Variants in MYO15A observed in about 807,000 individuals in gnomAD.
MYO15A encodes the protein unconventional myosin-XV.
In MYO15A, 308 loss-of-function variants were observed where a neutral mutation model predicts 394.6. The ratio of observed to expected loss-of-function variants is 0.78; its 90% CI spans 0.71 to 0.86. MYO15A has a LOEUF of 0.86. Ranked by LOEUF, MYO15A falls within the 40% of genes least tolerant of loss-of-function variation. The probability of loss-of-function intolerance (pLI) is 0.00; values close to 1 mark genes in which losing one functional copy is unlikely to be tolerated. For missense variants in MYO15A, 4,606 were observed against 4,799.1 expected, an observed-to-expected ratio of 0.96 and a Z score of 1.19; for synonymous variants, 1,957 against 2,003.8, an observed-to-expected ratio of 0.98 and a Z score of 0.62.
chr17:18,131,429 C>T, intron 9 of MYO15A, 39 bp from the exon 10 acceptor site: 1 of 1,614,004 alleles, frequency 6.2e-7, no homozygotes, highest in Non-Finnish European at 8.5e-7. Flanking sequence ...CACCAGCCCT[C>T]CTACCCTCAC....
Position 18,148,348 on chromosome 17 carries a change from G to T in MYO15A, c.6691+138G>T, listed in dbSNP as rs1597800485. 2 of 1,456,332 alleles carry T rather than the reference G, an allele frequency of 1.4e-6. No homozygotes were observed. Among genetic ancestry groups the T allele is most frequent in the East Asian group, 4.9e-5 (2 of 40,432 alleles). 90.2% of individuals were successfully genotyped at this position (1,456,332 alleles called of 1,614,324 possible). ...GATGTGGCTCTGCGTGAAAGTCTGT[G>T]TGTGGGGGTGGGACCTGGCCCAGGA... On this transcript the variant is annotated intron_variant, in intron 31 of 65. Transcript: ENST00000647165. This position sits in a 1 kb window ranked among gnomAD's most constrained non-coding sequence, Gnocchi z 4.8.
At chr17:18,127,005 G>A (rs1038615011) in intron 6 of MYO15A, 70 bp from the exon 7 acceptor site, 6 of 1,603,830 alleles carry the variant, frequency 3.7e-6, no homozygotes, top group Non-Finnish European at 5.1e-6. Context: ...CTTGCTTCAT[G>A]ATGGGAGTCA....
chr17:18,123,926 C>G (rs1466001890), intron 2 of MYO15A: 2 of 176,644 alleles, frequency 1.1e-5, no homozygotes, highest in African/African-American at 4.7e-5. Context: ...GCCCCACAGG[C>G]CTGCGTATGT....
chr17:18,148,351 T>TG lies in MYO15A; in HGVS notation c.6692-140dup. 1 of 1,450,044 alleles carries TG rather than the reference T, an allele frequency of 6.9e-7. No individual in the cohort carries two copies. Among genetic ancestry groups the TG allele is most frequent in the Non-Finnish European group, 9.4e-7 (1 of 1,062,708 alleles). The allele number at this position is 1,450,044 out of a possible 1,614,324, so 89.8% of individuals were successfully genotyped here. A position where few individuals can be genotyped will look rare whatever the true frequency, so the allele number is the denominator to read the frequency against. ...GTGGCTCTGCGTGAAAGTCTGTGTG[T>TG]GGGGGTGGGACCTGGCCCAGGAAAG... On this transcript the variant is annotated intron_variant, in intron 31 of 65. Transcript: ENST00000647165. The surrounding 1 kb of genome is among the most constrained non-coding windows in gnomAD (Gnocchi z 4.8).
chr17:18,162,645 A>G lies in MYO15A; in HGVS notation c.9578A>G (p.Glu3193Gly). ...ACCTTGCGCTTCGGAGGTCGTCTGG[A>G]GCTCCCCAGCAGCATAGAGCTTCGG... The part of the protein sequence containing the change: ...QKTLRFGGRL[E>G]LPSSIELRAM... Residue 3193 changes from glutamate to glycine, a missense_variant, in exon 58 of 66, where the codon GAG (glutamate) becomes GGG (glycine). Coordinates refer to ENST00000647165, the MANE Select transcript of MYO15A (RefSeq NM_016239.4). 1 of 1,614,038 alleles carries G rather than the reference A, an allele frequency of 6.2e-7. No individual in the cohort carries two copies. The highest frequency in any genetic ancestry group is 8.5e-7 in the Non-Finnish European group (1 of 1,179,972).
chr17:18,159,940 C>T lies in MYO15A; in HGVS notation c.9309C>T (p.Cys3103=). The change falls in exon 56 of 66, where the codon TGC becomes TGT. Residue 3103 remains cysteine, a synonymous_variant. Coordinates refer to ENST00000647165, the MANE Select transcript of MYO15A (RefSeq NM_016239.4). ...ACCTCCCTGCCCCCCTTCAGCTGTG[C>T]GGGGACCATGAGGTCATGCGGGATG... ...LDVLCNLLKL[C]GDHEVMRDEC... 5 of 1,613,950 alleles carry T rather than the reference C, an allele frequency of 3.1e-6. No individual in the cohort carries two copies. Among genetic ancestry groups the T allele is most frequent in the East Asian group, 4.5e-5 (2 of 44,886 alleles).
chr17:18,178,229 G>GC lies in MYO15A; in HGVS notation c.10492-539dup, dbSNP rs1352413884. On this transcript the variant is annotated intron_variant, in intron 65 of 65. Transcript: ENST00000647165. ...TACTAAAAATACAAAAATTAGCTGG[G>GC]CGTGGTGGTGCATGCCTGTAGTCTC... The GC allele has an allele frequency of 2.5e-5, 5 of 198,934 alleles. No individual in the cohort carries two copies. The East Asian group carries it at 5.9e-4, about 24-fold the overall frequency. The allele number at this position is 198,934 out of a possible 1,614,324, so 12.3% of individuals were successfully genotyped here. A position where few individuals can be genotyped will look rare whatever the true frequency, so the allele number is the denominator to read the frequency against.
rs760706490 is a variant in MYO15A, at chr17:18,119,086, A to C, written c.286A>C (p.Lys96Gln). ...GACGCAGATGCGCATGGGCAAGAAG[A>C]AGCGGGCGATGAAGGGCAAGAAGCC... The part of the protein sequence containing the change: ...LMTQMRMGKK[K>Q]RAMKGKKPSF... The change falls in exon 2 of 66, where the codon AAG (lysine) becomes CAG (glutamine). Residue 96 changes from lysine to glutamine, a missense_variant. Lys to Gln is a moderately conservative substitution (Grantham distance 53). Transcript: ENST00000647165. 1.2e-6 allele frequency: 2 copies of C among 1,611,952 alleles called. No individual in the cohort carries two copies. Among genetic ancestry groups the C allele is most frequent in the East Asian group, 4.5e-5 (2 of 44,848 alleles).
chr17:18,142,453 G>T (rs2046399773), intron 24 of MYO15A, among the ~76,000 whole-genome samples, 199 bp downstream of exon 24: 1 of 152,232 alleles, frequency 6.6e-6, no homozygotes, highest in Non-Finnish European at 1.5e-5. Context: ...CTTGTGACTG[G>T]TGGGTGGGAA....
rs2046581851 is a variant in MYO15A, at chr17:18,151,492, G to A, written c.7752G>A (p.Gln2584=). 1 of 1,614,200 alleles carries A rather than the reference G, an allele frequency of 6.2e-7. No individual in the cohort carries two copies. The change falls in exon 40 of 66, where the codon CAG becomes CAA. Residue 2584 remains glutamine (Q), a synonymous_variant. Transcript: ENST00000647165. ...QQIKNIVRQY[Q]QPFRGGRPEA... Reference sequence around the variant, plus strand: ...TCAAGAATATTGTCAGGCAGTACCAGCAGCCGTTCCGGGGAGGCCGGCCTG... The same window carrying A: ...TCAAGAATATTGTCAGGCAGTACCAACAGCCGTTCCGGGGAGGCCGGCCTG...
Position 18,173,904 on chromosome 17 carries a change from C to CA in MYO15A, c.10475dup (p.Leu3493AlafsTer25), listed in dbSNP as rs2142436821. 6.2e-7 allele frequency: 1 copy of CA among 1,613,412 alleles called. No individual in the cohort carries two copies. The highest frequency in any genetic ancestry group is 1.1e-5 in the South Asian group (1 of 91,064). On this transcript the variant is annotated frameshift_variant, in exon 65 of 66. Transcript: ENST00000647165. LOFTEE classifies it high-confidence loss of function. ...GGACGTGGCGGCCCAGCGCACCTTGCAGCTGCAGCTGGAGCAGGTGGGCCC... is the reference window on the plus strand; with the variant it reads ...GGACGTGGCGGCCCAGCGCACCTTGCAAGCTGCAGCTGGAGCAGGTGGGCCC...
At position 18,125,225 on chromosome 17, in the gene MYO15A, C is replaced by A. The variant is rs1387353046; in HGVS notation, c.3750C>A (p.Leu1250=). 1.2e-6 allele frequency: 2 copies of A among 1,614,106 alleles called. No homozygotes were observed. The highest frequency in any genetic ancestry group is 1.7e-6 in the Non-Finnish European group (2 of 1,180,020). The change falls in exon 4 of 66, where the codon CTC becomes CTA. Residue 1250 remains leucine (L), a synonymous_variant. Transcript: ENST00000647165. ...TCAAGATTAGATTTGAACGGAACCT[C>A]ATCTACGTAAGGCCTGGGGCTGGCC... The part of the protein sequence containing the change: ...SNLKIRFERN[L]IYTYIGSILV...
Position 18,119,772 on chromosome 17 carries a change from T to C in MYO15A, c.972T>C (p.Ser324=). The C allele has an allele frequency of 6.2e-7, 1 of 1,612,972 alleles. No individual in the cohort carries two copies. Among genetic ancestry groups the C allele is most frequent in the South Asian group, 1.1e-5 (1 of 91,090 alleles). The stretch of plus-strand genomic sequence containing the variant: ...ATGCGCCCCCGTCGGGGTACTCGTC[T>C]CCTTACAGCTACCACGATGGGTACG... ...PPYAPPSGYS[S]PYSYHDGYEG... The change falls in exon 2 of 66, where the codon TCT becomes TCC. Residue 324 remains serine, a synonymous_variant. Coordinates refer to ENST00000647165, the MANE Select transcript of MYO15A (RefSeq NM_016239.4).
chr17:18,123,000 C>T (rs573607175), intron 2 of MYO15A: 1 of 153,936 alleles, frequency 6.5e-6, no homozygotes, highest in Admixed American at 6.4e-5. Context: ...AACCAGGAGT[C>T]CTTCTGGAAC....
In MYO15A at chr17:18,150,954, C is replaced by A; in HGVS notation, c.7473+41C>A. ...CCAGGGTGCAGGGGTTGCTTGGAGA[C>A]ACAAGCTGTAAAGAGGAATGCTGTG... On this transcript the variant is annotated intron_variant, in intron 38 of 65. Coordinates refer to ENST00000647165, the MANE Select transcript of MYO15A (RefSeq NM_016239.4). This position sits in a 1 kb window ranked among gnomAD's most constrained non-coding sequence, Gnocchi z 4.4. The A allele has an allele frequency of 6.2e-7, 1 of 1,609,786 alleles. No homozygotes were observed. The highest frequency in any genetic ancestry group is 1.1e-5 in the South Asian group (1 of 90,990).
intron 65 of MYO15A, 191 bp from the exon 66 acceptor site, chr17:18,178,578 C>T: frequency 1.5e-6 from 1 of 686,714 alleles, no homozygotes; most frequent in Admixed American, 2.0e-5. Flanking sequence ...CCCCTTGCAG[C>T]CCACACCCCA....
At chr17:18,115,693 A>G (rs2045775179) in intron 1 of MYO15A, among the ~76,000 whole-genome samples, 1 of 151,260 alleles carries the variant, frequency 6.6e-6, no homozygotes, top group African/African-American at 2.4e-5. Context: ...CCTCACTGGC[A>G]GTCGAAGCCA....
Position 18,141,784 on chromosome 17 carries a change from G to A in MYO15A, c.5649+14G>A, listed in dbSNP as rs2072653. Reference sequence around the variant, plus strand: ...GGGGTCAGCAAGGTGAGTCCTGCCCGACAGTCAGCCCTTGGAGACCCCAAG... The same window carrying A: ...GGGGTCAGCAAGGTGAGTCCTGCCCAACAGTCAGCCCTTGGAGACCCCAAG... On this transcript the variant is annotated intron_variant, in intron 23 of 65. Transcript: ENST00000647165. The A allele has an allele frequency of 0.14, 230,414 of 1,612,992 alleles. 21,468 individuals are homozygous for A. Among genetic ancestry groups the A allele is most frequent in the East Asian group, 0.49 (22,117 of 44,848 alleles).
Position 18,149,522 on chromosome 17 carries a change from A to G in MYO15A, c.7154A>G (p.Lys2385Arg), listed in dbSNP as rs756313439. 5 of 1,613,762 alleles carry G rather than the reference A, an allele frequency of 3.1e-6. No homozygotes were observed. Among genetic ancestry groups the G allele is most frequent in the Admixed American group, 3.3e-5 (2 of 60,026 alleles). Residue 2385 changes from lysine to arginine, a missense_variant, in exon 35 of 66, where the codon AAG (lysine) becomes AGG (arginine). This residue lies in a region of MYO15A where 2,776 missense variants were observed against 3,109.3 expected (regional missense o/e 0.89). Coordinates refer to ENST00000647165, the MANE Select transcript of MYO15A (RefSeq NM_016239.4). ...DSLGEPAVPH[K>R]GLDCYLDSLF... The stretch of plus-strand genomic sequence containing the variant: ...CTTGGAGAGCCTGCTGTGCCCCACA[A>G]GGGGCTGGACTGCTACCTGGATAGC...
Sources: gnomAD v4.1 joint callset for allele counts (sites outside exome capture counted in the v4.1 genomes callset) on GRCh38, gnomAD v4.1.1 for gene constraint, gnomAD v4.1.1 regional missense constraint, Gnocchi (gnomAD v3.1) non-coding constraint, MANE v1.5 for transcripts, NCBI Gene and HGNC (gene_info 2026-07-23, HGNC 2026-07-21) for gene names.